Variants in ZNF589 observed in about 807,000 individuals in gnomAD.
ZNF589 encodes KRAB-zinc finger protein SZF1-1.
A neutral mutation model predicts 13.6 loss-of-function variants in ZNF589; 17 were observed. That is an observed-to-expected ratio of 1.25 (90% CI 0.86 to 1.88). The LOEUF (loss-of-function observed/expected upper bound fraction) is 1.88. ZNF589 is among the 40% of genes most tolerant of loss of function. ZNF589 has a pLI of 0.00. For missense variants in ZNF589, 407 were observed against 434.0 expected, an observed-to-expected ratio of 0.94 and a Z score of 0.55; for synonymous variants, 148 against 161.6, an observed-to-expected ratio of 0.92 and a Z score of 0.64.
chr3:48,263,429 G>A (rs1281429574), intron 3 of ZNF589, among the ~76,000 whole-genome samples: 1 of 152,038 alleles, frequency 6.6e-6, no homozygotes, highest in Non-Finnish European at 1.5e-5. Context: ...TTTATGTTTC[G>A]GATAGGGCAT....
chr3:48,262,885 C>G lies in ZNF589; in HGVS notation c.223+1946C>G, dbSNP rs191600203. On this transcript the variant is annotated intron_variant, in intron 3 of 3. Transcript: ENST00000354698. ...AAAAAATACATCACTCATGGCAGTG[C>G]TGGTTGTGGTGTTTGAGTAACCGCT... Among the ~76,000 whole-genome samples the G allele has an allele frequency of 1.1e-4, 16 of 152,262 alleles. No individual in the cohort carries two copies. In the South Asian group the frequency reaches 3.3e-3, roughly 32 times the overall value.
chr3:48,246,302 CTCAA>C lies in ZNF589; in HGVS notation c.44-1303_44-1300del, dbSNP rs34516773. On this transcript the variant is annotated intron_variant, in intron 1 of 3. Coordinates refer to ENST00000354698, the MANE Select transcript of ZNF589 (RefSeq NM_016089.3). The stretch of plus-strand genomic sequence containing the variant: ...AGCCTGGGCAATAGTGAGACCCTAT[CTCAA>C]TCAATCAATCAATCAATCAGTTCCA... 1.5e-4 allele frequency among the ~76,000 whole-genome samples: 22 copies of C among 151,650 alleles called. No homozygotes were observed. In the East Asian group the frequency reaches 2.9e-3, roughly 20 times the overall value.
chr3:48,241,296 G>A, intron 1 of ZNF589, 82 bp downstream of exon 1: 1 of 1,543,084 alleles, frequency 6.5e-7, no homozygotes, highest in Non-Finnish European at 8.8e-7. Context: ...TATCCACCAG[G>A]GATGCGCGTG....
chr3:48,253,191 C>T (rs1475671925), intron 2 of ZNF589, among the ~76,000 whole-genome samples: 2 of 151,892 alleles, frequency 1.3e-5, no homozygotes, highest in Non-Finnish European at 2.9e-5. Flanking sequence ...CACCACTACA[C>T]ATAGCTATTT....
chr3:48,242,154 C>CA (rs1027335575), intron 1 of ZNF589, among the ~76,000 whole-genome samples: 2 of 151,832 alleles, frequency 1.3e-5, no homozygotes, highest in Non-Finnish European at 2.9e-5. Flanking sequence ...CTCTGTAGCC[C>CA]AGGCTGGAGT....
At chr3:48,256,639 C>G (rs746995548) in intron 2 of ZNF589, 2 of 989,302 alleles carry the variant, frequency 2.0e-6, no homozygotes, top group Admixed American at 3.5e-5. Flanking sequence ...TCTTTCGGGG[C>G]AGCATGCCTC....
rs1222775130 is a variant in ZNF589, at chr3:48,241,140, C to T, written c.-32C>T. The T allele has an allele frequency of 3.1e-6, 5 of 1,605,728 alleles. No individual in the cohort carries two copies. The highest frequency in any genetic ancestry group is 4.3e-6 in the Non-Finnish European group (5 of 1,176,218). On this transcript the variant is annotated 5_prime_UTR_variant, in exon 1 of 4. Coordinates refer to ENST00000354698, the MANE Select transcript of ZNF589 (RefSeq NM_016089.3). Reference sequence around the variant, plus strand: ...TCCGTTTCACACACGGTGCTGCTACCTCGTTTGCTTCGTGCGTGCGTGCGC... The same window carrying T: ...TCCGTTTCACACACGGTGCTGCTACTTCGTTTGCTTCGTGCGTGCGTGCGC...
chr3:48,242,535 C>G (rs950105857), intron 1 of ZNF589, among the ~76,000 whole-genome samples: 5 of 152,116 alleles, frequency 3.3e-5, no homozygotes, highest in Admixed American at 2.6e-4. Context: ...AACTCCTGGG[C>G]TCAAGGGATC....
intron 3 of ZNF589, among the ~76,000 whole-genome samples, chr3:48,266,515 G>A (rs2034020179): frequency 6.6e-6 from 1 of 152,218 alleles, no homozygotes; most frequent in African/African-American, 2.4e-5. Flanking sequence ...AGAATGTGGT[G>A]GTGGGAGTGG....
In ZNF589 at chr3:48,270,122, T is replaced by A. The variant is rs1295751585; in HGVS notation, c.*1336T>A. The A allele has an allele frequency of 4.4e-6, 2 of 457,026 alleles. No individual in the cohort carries two copies. Among genetic ancestry groups the A allele is most frequent in the Admixed American group, 4.7e-5 (2 of 42,588 alleles). The allele number at this position is 457,026 out of a possible 1,614,324, so 28.3% of individuals were successfully genotyped here. A position where few individuals can be genotyped will look rare whatever the true frequency, so the allele number is the denominator to read the frequency against. On this transcript the variant is annotated 3_prime_UTR_variant, in exon 4 of 4. Transcript: ENST00000354698. Reference sequence around the variant, plus strand: ...TCTTCCATTAGCTTCCATGACACTCTCCTGCTTTATTTTTTTCTACATCTC... The same window carrying A: ...TCTTCCATTAGCTTCCATGACACTCACCTGCTTTATTTTTTTCTACATCTC...
At position 48,266,518 on chromosome 3, in the gene ZNF589, G is replaced by A. The variant is rs887461450; in HGVS notation, c.224-1397G>A. The stretch of plus-strand genomic sequence containing the variant: ...ATCAGGAATCGAAGAATGTGGTGGT[G>A]GGAGTGGGTGACTAAAGCCAAATAG... On this transcript the variant is annotated intron_variant, in intron 3 of 3. Coordinates refer to ENST00000354698, the MANE Select transcript of ZNF589 (RefSeq NM_016089.3). Among the ~76,000 whole-genome samples the A allele has an allele frequency of 1.0e-3, 158 of 152,328 alleles. 2 individuals are homozygous for A. Among genetic ancestry groups the A allele is most frequent in the African/African-American group, 3.4e-3 (143 of 41,572 alleles).
intron 3 of ZNF589, among the ~76,000 whole-genome samples, chr3:48,265,512 C>G (rs1268916063): frequency 1.3e-5 from 2 of 151,284 alleles, no homozygotes; most frequent in African/African-American, 4.9e-5. Context: ...GTTTCGAACT[C>G]CTGATCTCAG....
chr3:48,256,524 C>A, intron 2 of ZNF589: 1 of 633,414 alleles, frequency 1.6e-6, no homozygotes, highest in Non-Finnish European at 2.9e-6. Flanking sequence ...TTTGGAACAA[C>A]TCCTTCAGGA....
chr3:48,244,568 A>G lies in ZNF589; in HGVS notation c.44-3057A>G, dbSNP rs535123114. On this transcript the variant is annotated intron_variant, in intron 1 of 3. Coordinates refer to ENST00000354698, the MANE Select transcript of ZNF589 (RefSeq NM_016089.3). ...GCATGCAAGAGGAGAAATTGTATATATGTCTTTATGAAATCACTTGACACA... is the reference window on the plus strand; with the variant it reads ...GCATGCAAGAGGAGAAATTGTATATGTGTCTTTATGAAATCACTTGACACA... 3.3e-5 allele frequency among the ~76,000 whole-genome samples: 5 copies of G among 152,110 alleles called. No individual in the cohort carries two copies. In the South Asian group the frequency reaches 6.2e-4, roughly 19 times the overall value.
chr3:48,270,222 G>T lies in ZNF589; in HGVS notation c.*1436G>T. 2.2e-6 allele frequency: 1 copy of T among 457,200 alleles called. No individual in the cohort carries two copies. 28.3% of individuals were successfully genotyped at this position (457,200 alleles called of 1,614,324 possible). On this transcript the variant is annotated 3_prime_UTR_variant, in exon 4 of 4. Coordinates refer to ENST00000354698, the MANE Select transcript of ZNF589 (RefSeq NM_016089.3). ...TTCAGTCTCCAGCCCTACAATCTGAGGGACACCTTTACCAGGTCCCCTTCC... is the reference window on the plus strand; with the variant it reads ...TTCAGTCTCCAGCCCTACAATCTGATGGACACCTTTACCAGGTCCCCTTCC...
chr3:48,270,464 G>T lies in ZNF589; in HGVS notation c.*1678G>T, dbSNP rs1441957728. On this transcript the variant is annotated 3_prime_UTR_variant, in exon 4 of 4. Transcript: ENST00000354698. ...CCAGTGTTTTAGCCATGCTCGGGTG[G>T]CTAAATTACATCCAGGAATGGTGCC... The T allele has an allele frequency of 5.6e-6, 2 of 354,846 alleles. No homozygotes were observed. The highest frequency in any genetic ancestry group is 1.1e-5 in the Non-Finnish European group (2 of 181,124). The allele number at this position is 354,846 out of a possible 1,614,324, so 22.0% of individuals were successfully genotyped here. A position where few individuals can be genotyped will look rare whatever the true frequency, so the allele number is the denominator to read the frequency against.
intron 2 of ZNF589, 63 bp downstream of exon 2, chr3:48,247,740 T>C: frequency 6.3e-7 from 1 of 1,576,962 alleles, no homozygotes; most frequent in South Asian, 1.1e-5. Context: ...AATGGGCTCA[T>C]CTGTCTTTCT....
At chr3:48,244,185 G>C (rs1233926869) in intron 1 of ZNF589, among the ~76,000 whole-genome samples, 3 of 152,114 alleles carry the variant, frequency 2.0e-5, no homozygotes, top group African/African-American at 7.2e-5. Flanking sequence ...AGAACCACCT[G>C]TCCCTCTGGA....
rs1299922779 is a variant in ZNF589, at chr3:48,270,020, T to A, written c.*1234T>A. ...GTGAAGATGACAGAGATCTAACTTCTGAGAGCAGAGGTGTCAAGTGACGGT... is the reference window on the plus strand; with the variant it reads ...GTGAAGATGACAGAGATCTAACTTCAGAGAGCAGAGGTGTCAAGTGACGGT... On this transcript the variant is annotated 3_prime_UTR_variant, in exon 4 of 4. Coordinates refer to ENST00000354698, the MANE Select transcript of ZNF589 (RefSeq NM_016089.3). 4.4e-6 allele frequency: 2 copies of A among 457,308 alleles called. No homozygotes were observed. Among genetic ancestry groups the A allele is most frequent in the East Asian group, 6.9e-5 (1 of 14,398 alleles). 28.3% of individuals were successfully genotyped at this position (457,308 alleles called of 1,614,324 possible).
Sources: allele counts gnomAD v4.1 joint callset (sites outside exome capture counted in the v4.1 genomes callset), GRCh38; gene constraint gnomAD v4.1.1; transcripts MANE v1.5; gene names NCBI Gene and HGNC (gene_info 2026-07-23, HGNC 2026-07-21).